The following SH3RF3 variants were observed in gnomAD, a reference collection of about 807,000 sequenced individuals.
SH3RF3 encodes the protein E3 ubiquitin-protein ligase SH3RF3.
A neutral mutation model predicts 66.3 loss-of-function variants in SH3RF3; 29 were observed. That is an observed-to-expected ratio of 0.44 (90% CI 0.33 to 0.60). The LOEUF (loss-of-function observed/expected upper bound fraction) is 0.60. Among genes scored for constraint, SH3RF3 ranks in the 20% least tolerant of loss-of-function variants. The pLI, the probability that SH3RF3 is intolerant of heterozygous loss-of-function variation, is 0.04. For missense variants in SH3RF3, 1,194 were observed against 1,190.9 expected (o/e 1.00, Z -0.04); for synonymous variants, 583 against 532.0 (o/e 1.10, Z -1.32).
At chr2:109,338,922 A>T (rs1363059166) in intron 1 of SH3RF3, among the ~76,000 whole-genome samples, 2 of 107,064 alleles carry the variant, frequency 1.9e-5, no homozygotes, top group East Asian at 3.3e-4. Context: ...GATAACACAA[A>T]CAGTTGATCA....
At chr2:109,401,406 C>A (rs183614801) in intron 4 of SH3RF3, among the ~76,000 whole-genome samples, 2 of 152,318 alleles carry the variant, frequency 1.3e-5, no homozygotes, top group Admixed American at 1.3e-4. Flanking sequence ...CCTAGAAGAG[C>A]AAAGGCCACT....
intron 1 of SH3RF3, among the ~76,000 whole-genome samples, chr2:109,198,711 C>T (rs985567553): frequency 1.3e-5 from 2 of 152,114 alleles, no homozygotes; most frequent in African/African-American, 2.4e-5. Context: ...GGGACTAATC[C>T]CATTCGTGAA....
chr2:109,240,915 T>G (rs1679765749), intron 1 of SH3RF3, among the ~76,000 whole-genome samples: 1 of 149,030 alleles, frequency 6.7e-6, no homozygotes, highest in South Asian at 2.2e-4. Flanking sequence ...GCTCCCCGCT[T>G]CTTTTCTCAT....
At chr2:109,448,383 C>T (rs1677766091) in intron 7 of SH3RF3, among the ~76,000 whole-genome samples, 1 of 152,234 alleles carries the variant, frequency 6.6e-6, no homozygotes, top group Admixed American at 6.5e-5. Context: ...CTGTTAGGAA[C>T]TGGGCTGCAC....
At chr2:109,212,348 G>A (rs1679005864) in intron 1 of SH3RF3, among the ~76,000 whole-genome samples, 1 of 152,250 alleles carries the variant, frequency 6.6e-6, no homozygotes, top group Non-Finnish European at 1.5e-5. Context: ...ATGTTGTCGG[G>A]AAAGTAGGGG....
At chr2:109,339,183 G>A (rs1440077394) in intron 1 of SH3RF3, among the ~76,000 whole-genome samples, 1 of 151,766 alleles carries the variant, frequency 6.6e-6, no homozygotes, top group Non-Finnish European at 1.5e-5. Context: ...AGGCAGAGAA[G>A]GGAGGCACAC....
At chr2:109,424,511 C>T (rs934807698) in intron 5 of SH3RF3, among the ~76,000 whole-genome samples, 1 of 152,212 alleles carries the variant, frequency 6.6e-6, no homozygotes. Flanking sequence ...CGGGGCAACC[C>T]AGCATCCACC....
At chr2:109,249,542 TCCTTCCTTCC>T in intron 1 of SH3RF3, among the ~76,000 whole-genome samples, 1 of 123,842 alleles carries the variant, frequency 8.1e-6, no homozygotes, top group Non-Finnish European at 1.7e-5. Flanking sequence ...TTTCCTTCCT[TCCTTCCTTCC>T]TTCCTTCCTT....
rs1486970490 is a variant in SH3RF3 at position 109,137,207 on chromosome 2, T to G, written c.573+7094T>G. On this transcript the variant is annotated intron_variant, in intron 1 of 9. Coordinates refer to ENST00000309415, the MANE Select transcript of SH3RF3 (RefSeq NM_001099289.3). ...AAGTGGTATTGGTGTGATTTGGGGC[T>G]TAGTGAGTTTGCAGTGGGTTCTCAC... Among the ~76,000 whole-genome samples the G allele has an allele frequency of 2.0e-5, 3 of 152,382 alleles. No individual in the cohort carries two copies. In the South Asian group the frequency reaches 6.2e-4, roughly 32 times the overall value.
intron 1 of SH3RF3, among the ~76,000 whole-genome samples, chr2:109,133,137 G>A (rs548113025): frequency 3.3e-5 from 5 of 152,320 alleles, no homozygotes; most frequent in East Asian, 1.9e-4. Flanking sequence ...GAAGGTACCC[G>A]TGGGCACTGA....
chr2:109,293,962 C>T (rs1365109883), intron 1 of SH3RF3, among the ~76,000 whole-genome samples: 1 of 152,168 alleles, frequency 6.6e-6, no homozygotes, highest in Non-Finnish European at 1.5e-5. Flanking sequence ...AAGAGCTTCC[C>T]TGGGTGGGGG....
chr2:109,399,546 C>T (rs1301236111), intron 4 of SH3RF3, among the ~76,000 whole-genome samples: 2 of 151,672 alleles, frequency 1.3e-5, no homozygotes, highest in Non-Finnish European at 2.9e-5. Flanking sequence ...GAGGCCGAGG[C>T]GGGAGGATTG....
chr2:109,293,902 G>A (rs1011179529), intron 1 of SH3RF3, among the ~76,000 whole-genome samples: 3 of 152,172 alleles, frequency 2.0e-5, no homozygotes, highest in East Asian at 3.9e-4. Context: ...GCTTGTTGCC[G>A]AGTAGCCCTG....
chr2:109,415,460 C>T (rs189077409), intron 4 of SH3RF3, among the ~76,000 whole-genome samples: 2 of 152,298 alleles, frequency 1.3e-5, no homozygotes, highest in Admixed American at 1.3e-4. Flanking sequence ...GCTACCATCA[C>T]GGGTGCTACA....
intron 1 of SH3RF3, among the ~76,000 whole-genome samples, chr2:109,287,795 C>T (rs935423985): frequency 1.2e-4 from 18 of 152,282 alleles, no homozygotes; most frequent in Non-Finnish European, 2.1e-4. Flanking sequence ...ATTAAAGCTT[C>T]GCACTGTTGC....
chr2:109,414,541 G>A (rs1467342806), intron 4 of SH3RF3, among the ~76,000 whole-genome samples: 1 of 152,150 alleles, frequency 6.6e-6, no homozygotes, highest in Non-Finnish European at 1.5e-5. Flanking sequence ...TCTTGGCTAC[G>A]GTCACAAACA....
At chr2:109,342,024 G>T (rs985711878) in intron 1 of SH3RF3, among the ~76,000 whole-genome samples, 23 of 152,188 alleles carry the variant, frequency 1.5e-4, no homozygotes, top group Admixed American at 3.3e-4. Flanking sequence ...GGTCTCACCC[G>T]CCGGGGCCTA....
chr2:109,392,337 G>C (rs539235542), intron 3 of SH3RF3, among the ~76,000 whole-genome samples: 1 of 152,310 alleles, frequency 6.6e-6, no homozygotes, highest in South Asian at 2.1e-4. Flanking sequence ...CAATGGTGCT[G>C]CTTGTTCACT....
rs114451482 is a variant in SH3RF3 at position 109,351,215 on chromosome 2, C to T, written c.849+3266C>T. On this transcript the variant is annotated intron_variant, in intron 2 of 9. Transcript: ENST00000309415. ...GCTCTGCCAGCTGGTTTCTGAGGAG[C>T]CTCCACACGTGCTGGGCCAGTCACC... Among the ~76,000 whole-genome samples the T allele has an allele frequency of 4.4e-3, 670 of 152,308 alleles. 6 individuals are homozygous for T. The highest frequency in any genetic ancestry group is 0.016 in the African/African-American group (645 of 41,568).
Sources: gnomAD v4.1 joint callset for allele counts (sites outside exome capture counted in the v4.1 genomes callset) on GRCh38, gnomAD v4.1.1 for gene constraint, MANE v1.5 for transcripts, NCBI Gene and HGNC (gene_info 2026-07-23, HGNC 2026-07-21) for gene names.